Variants in FANCB observed in about 807,000 individuals in gnomAD.
The protein encoded by FANCB is Fanconi anemia group B protein.
Under a neutral mutation model 38.9 loss-of-function variants are expected in FANCB, and 5 were observed. The ratio of observed to expected loss-of-function variants is 0.13; its 90% confidence interval spans 0.07 to 0.27. The LOEUF is 0.27. Among genes scored for constraint, FANCB ranks in the 10% least tolerant of loss-of-function variants. The pLI is 1.00. For synonymous variants in FANCB, 236 were observed against 215.4 expected, an observed-to-expected ratio of 1.10 and a Z score of -0.84; for missense variants, 573 against 602.7, an observed-to-expected ratio of 0.95 and a Z score of 0.52.
At chrX:14,827,984 T>C in the FANCB span, among the ~76,000 whole-genome samples, 1 of 112,454 alleles carries the variant, frequency 8.9e-6, no homozygotes, top group Non-Finnish European at 1.9e-5. Flanking sequence ...AGCCACATAT[T>C]TTTTTGGTTT....
chrX:14,748,592 C>T, the FANCB span, among the ~76,000 whole-genome samples: 1 of 112,791 alleles, frequency 8.9e-6, no homozygotes, highest in Admixed American at 9.3e-5. Flanking sequence ...GAAGAGTTCA[C>T]ACGATCTGGA....
At chrX:14,815,423 A>C in the FANCB span, among the ~76,000 whole-genome samples, 1 of 112,322 alleles carries the variant, frequency 8.9e-6, no homozygotes, top group Admixed American at 9.4e-5. Flanking sequence ...AAAATAACTG[A>C]ACAGATTGAT....
At chrX:14,705,050 A>G in the FANCB span, among the ~76,000 whole-genome samples, 1 of 112,388 alleles carries the variant, frequency 8.9e-6, no homozygotes, top group African/African-American at 3.2e-5. Flanking sequence ...TTATCTTAGA[A>G]TGTTAACTGT....
At chrX:14,691,310 TGTGTGTGTGTGTGTGC>T in the FANCB span, among the ~76,000 whole-genome samples, 11 of 102,348 alleles carry the variant, frequency 1.1e-4, no homozygotes, top group African/African-American at 3.6e-4. Flanking sequence ...TGTGTGTGTG[TGTGTGTGTGTGTGTGC>T]GCGCGTGCGT....
At chrX:14,691,402 C>T in the FANCB span, among the ~76,000 whole-genome samples, 3 of 109,216 alleles carry the variant, frequency 2.7e-5, no homozygotes, top group Non-Finnish European at 5.7e-5. Context: ...TAAATTATGC[C>T]GTACCCATGT....
At chrX:14,801,436 C>G in the FANCB span, among the ~76,000 whole-genome samples, 1 of 111,794 alleles carries the variant, frequency 8.9e-6, no homozygotes, top group Non-Finnish European at 1.9e-5. Flanking sequence ...AAAGGAAGGC[C>G]GCTTAGACAA....
the FANCB span, among the ~76,000 whole-genome samples, chrX:14,778,577 C>T: frequency 8.9e-6 from 1 of 112,289 alleles, no homozygotes; most frequent in Admixed American, 9.4e-5. Context: ...CAAAGACTGG[C>T]AAAGTGAGGC....
At chrX:14,833,255 C>T (rs1210046960), downstream of FANCB, among the ~76,000 whole-genome samples, 10 of 107,717 alleles carry the variant, frequency 9.3e-5, no homozygotes, top group Admixed American at 6.6e-4. Context: ...TTGTATTTAT[C>T]CATTGAAAGA....
rs748651197 is a variant in FANCB at position 14,871,936 on chromosome X, T to G, written c.-192+1050A>C. On this transcript the variant is annotated intron_variant, in intron 1 of 9. Coordinates refer to ENST00000650831, the MANE Select transcript of FANCB (RefSeq NM_001018113.3). ...ACATAGGCACTGTTACTATCCCATT[T>G]TATAGATGGAGAAACTGAGGCAAGG... 1.3e-4 allele frequency among the ~76,000 whole-genome samples: 14 copies of G among 110,802 alleles called. No individual in the cohort carries two copies. In the East Asian group the frequency reaches 3.9e-3, roughly 31 times the overall value.
the FANCB span, among the ~76,000 whole-genome samples, chrX:14,817,455 T>A: frequency 2.7e-5 from 3 of 111,324 alleles, no homozygotes; most frequent in African/African-American, 9.8e-5. Flanking sequence ...TTAGGTAGGA[T>A]AGGGATAGGG....
chrX:14,747,557 A>G, the FANCB span, among the ~76,000 whole-genome samples: 2 of 112,833 alleles, frequency 1.8e-5, no homozygotes, highest in East Asian at 5.5e-4. Flanking sequence ...AAAAACATCC[A>G]GAAGTTTCAC....
chrX:14,717,488 A>G, the FANCB span, among the ~76,000 whole-genome samples: 1 of 108,271 alleles, frequency 9.2e-6, no homozygotes, highest in Admixed American at 1.0e-4. Flanking sequence ...CACTTTTCTA[A>G]CCAGGTCAGG....
At chrX:14,774,854 A>T in the FANCB span, among the ~76,000 whole-genome samples, 1 of 106,217 alleles carries the variant, frequency 9.4e-6, no homozygotes, top group African/African-American at 3.7e-5. Flanking sequence ...TTATTTTGAG[A>T]TGGAGTCTTG....
chrX:14,691,169 C>T, the FANCB span, among the ~76,000 whole-genome samples: 3 of 111,330 alleles, frequency 2.7e-5, no homozygotes, highest in Admixed American at 1.9e-4. Flanking sequence ...ATCTGAAATT[C>T]GGAAGTAACT....
chrX:14,834,705 G>T (rs2092336585), downstream of FANCB: 7 of 735,376 alleles, frequency 9.5e-6, no homozygotes, highest in Admixed American at 1.4e-4. Flanking sequence ...TGGTGTTGAT[G>T]ATGGTTTTGA....
At chrX:14,696,219 C>CGAGGGAGG in the FANCB span, among the ~76,000 whole-genome samples, 1 of 34,939 alleles carries the variant, frequency 2.9e-5, no homozygotes, top group Non-Finnish European at 5.0e-5. Flanking sequence ...AGGGAGAGTG[C>CGAGGGAGG]GAGGGAGGGA....
downstream of FANCB, among the ~76,000 whole-genome samples, chrX:14,839,164 T>C (rs1261206676): frequency 1.8e-5 from 2 of 110,988 alleles, no homozygotes; most frequent in Admixed American, 9.6e-5. Flanking sequence ...CATAGTGACA[T>C]GCACCTGTAG....
chrX:14,802,119 T>C, the FANCB span, among the ~76,000 whole-genome samples: 2 of 110,303 alleles, frequency 1.8e-5, no homozygotes, highest in Non-Finnish European at 3.8e-5. Flanking sequence ...AGGCAATGTT[T>C]TAAGTGGTGT....
the FANCB span, among the ~76,000 whole-genome samples, chrX:14,737,243 C>A: frequency 9.0e-6 from 1 of 111,704 alleles, no homozygotes; most frequent in African/African-American, 3.2e-5. Flanking sequence ...GCTACCCATC[C>A]TAACTTTGTC....
Sources: gnomAD v4.1 joint callset for allele counts (sites outside exome capture counted in the v4.1 genomes callset) on GRCh38, gnomAD v4.1.1 for gene constraint, MANE v1.5 for transcripts, NCBI Gene and HGNC (gene_info 2026-07-23, HGNC 2026-07-21) for gene names.